Variants in FAP observed in about 807,000 individuals in gnomAD.
FAP encodes the protein prolyl endopeptidase FAP.
Under a neutral mutation model 126.5 loss-of-function variants are expected in FAP, and 110 were observed. The ratio of observed to expected loss-of-function variants is 0.87; its 90% CI spans 0.74 to 1.02. The LOEUF (loss-of-function observed/expected upper bound fraction) is 1.02. Ranked by LOEUF, FAP falls within the 50% of genes least tolerant of loss-of-function variation. The pLI, the probability that FAP is intolerant of heterozygous loss-of-function variation, is 0.00. For synonymous variants in FAP, 334 were observed against 297.3 expected, an observed-to-expected ratio of 1.12 and a Z score of -1.27; for missense variants, 919 against 909.2, an observed-to-expected ratio of 1.01 and a Z score of -0.14.
intron 21 of FAP, among the ~76,000 whole-genome samples, chr2:162,179,220 T>C (rs1687597862): frequency 6.7e-6 from 1 of 149,812 alleles, no homozygotes; most frequent in African/African-American, 2.5e-5. Flanking sequence ...TTTTTGGTAA[T>C]ACTGTGTTAA....
At chr2:162,198,287 T>A (rs1051246099) in intron 16 of FAP, 4 of 1,289,834 alleles carry the variant, frequency 3.1e-6, no homozygotes, top group Admixed American at 4.6e-5. Context: ...TTCCAAGCCG[T>A]TGTTCATTCC....
chr2:162,179,778 CTATCTATCTATCTA>C (rs1195828378), intron 21 of FAP, among the ~76,000 whole-genome samples: 2 of 69,060 alleles, frequency 2.9e-5, no homozygotes, highest in South Asian at 6.2e-4. Flanking sequence ...ATCTATCTAT[CTATCTATCTATCTA>C]TATATATATA....
chr2:162,171,035 G>A lies in FAP; in HGVS notation c.2227C>T (p.His743Tyr). 1 of 1,613,282 alleles carries A rather than the reference G, an allele frequency of 6.2e-7. No homozygotes were observed. Among genetic ancestry groups the A allele is most frequent in the Non-Finnish European group, 8.5e-7 (1 of 1,179,410 alleles). Reference sequence around the variant, plus strand: ...AAGTGGGTCATGTGGGTGTATAAGTGGTTCGTGGACAGGCCGGATAAGCCG... The same window carrying A: ...AAGTGGGTCATGTGGGTGTATAAGTAGTTCGTGGACAGGCCGGATAAGCCG... ...NHGLSGLSTN[H>Y]LYTHMTHFLK... The change falls in exon 26 of 26, where the codon CAC becomes TAC. Residue 743 changes from histidine to tyrosine, a missense_variant. Transcript: ENST00000188790.
At chr2:162,227,661 C>T (rs1036863204) in intron 2 of FAP, among the ~76,000 whole-genome samples, 21 of 152,124 alleles carry the variant, frequency 1.4e-4, no homozygotes, top group African/African-American at 4.8e-4. Flanking sequence ...CGTAGCCCTC[C>T]ATGACTCTTC....
intron 2 of FAP, among the ~76,000 whole-genome samples, chr2:162,228,755 A>C (rs1328752870): frequency 6.6e-6 from 1 of 152,212 alleles, no homozygotes; most frequent in East Asian, 1.9e-4. Context: ...TGTAATTCTC[A>C]TTCAGTGAAT....
chr2:162,222,328 C>T (rs1054517216), intron 6 of FAP, among the ~76,000 whole-genome samples: 7 of 152,030 alleles, frequency 4.6e-5, no homozygotes, highest in African/African-American at 1.7e-4. Flanking sequence ...AGAAGGGGCT[C>T]AATAAATATT....
At chr2:162,221,001 T>C (rs1376027923) in intron 6 of FAP, among the ~76,000 whole-genome samples, 5 of 152,196 alleles carry the variant, frequency 3.3e-5, no homozygotes, top group African/African-American at 1.2e-4. Flanking sequence ...TTTCCCATTC[T>C]TTTAATATTT....
chr2:162,182,700 A>T (rs905112881), intron 21 of FAP, among the ~76,000 whole-genome samples: 1 of 152,194 alleles, frequency 6.6e-6, no homozygotes, highest in Non-Finnish European at 1.5e-5. Context: ...TGAAACAGGA[A>T]ATCTTCTTTG....
intron 14 of FAP, among the ~76,000 whole-genome samples, chr2:162,201,284 T>C (rs1688489643): frequency 6.6e-6 from 1 of 152,196 alleles, no homozygotes. Context: ...AACCGAAGTT[T>C]GGTTGAATTC....
At position 162,215,869 on chromosome 2, in the gene FAP, A is replaced by G. The variant is rs779738608; in HGVS notation, c.866+29T>C. On this transcript the variant is annotated intron_variant, in intron 10 of 25. Coordinates refer to ENST00000188790, the MANE Select transcript of FAP (RefSeq NM_004460.5). ...ATAAATGCACTAGAATATAGGATAG[A>G]AAGATGGGAGGGATCTGAGATGAAC... 2.7e-6 allele frequency: 4 copies of G among 1,504,366 alleles called. No individual in the cohort carries two copies. The Admixed American group carries it at 6.7e-5, about 25-fold the overall frequency. The allele number at this position is 1,504,366 out of a possible 1,614,324, so 93.2% of individuals were successfully genotyped here. A position where few individuals can be genotyped will look rare whatever the true frequency, so the allele number is the denominator to read the frequency against.
chr2:162,190,565 A>G lies in FAP; in HGVS notation c.1451-811T>C, dbSNP rs72871609. ...ATCTGTAGATTGGTAATACATGCAA[A>G]TAGGTTTCTAGCAATAGCGGGCTTT... On this transcript the variant is annotated intron_variant, in intron 17 of 25. Transcript: ENST00000188790. Among the ~76,000 whole-genome samples, 210 of 152,270 alleles carry G rather than the reference A, an allele frequency of 1.4e-3. 1 individual carries two copies. Among genetic ancestry groups the G allele is most frequent in the Non-Finnish European group, 2.6e-3 (174 of 68,010 alleles).
chr2:162,180,256 G>C (rs1253670041), intron 21 of FAP, among the ~76,000 whole-genome samples: 1 of 152,170 alleles, frequency 6.6e-6, no homozygotes, highest in Non-Finnish European at 1.5e-5. Context: ...AAATACATAA[G>C]CAGAAAAGCC....
intron 7 of FAP, 111 bp from the exon 8 acceptor site, chr2:162,219,294 AGATTCAC>A: frequency 9.6e-7 from 1 of 1,036,632 alleles, no homozygotes; most frequent in Non-Finnish European, 1.4e-6. Context: ...GATACAAAAA[AGATTCAC>A]AACTAAAATA....
chr2:162,178,433 C>T (rs1687562650), intron 21 of FAP, among the ~76,000 whole-genome samples: 4 of 152,150 alleles, frequency 2.6e-5, no homozygotes, highest in Admixed American at 2.6e-4. Flanking sequence ...GGATGTTTAA[C>T]AGCATCCCTG....
At chr2:162,228,524 T>C (rs961043495) in intron 2 of FAP, among the ~76,000 whole-genome samples, 8 of 152,184 alleles carry the variant, frequency 5.3e-5, no homozygotes, top group African/African-American at 1.9e-4. Context: ...CTTTCCTTAA[T>C]TTGCAGCAAC....
chr2:162,213,376 A>G lies in FAP; in HGVS notation c.1002+562T>C, dbSNP rs189265760. On this transcript the variant is annotated intron_variant, in intron 11 of 25. Coordinates refer to ENST00000188790, the MANE Select transcript of FAP (RefSeq NM_004460.5). ...GGCGACAGAGCGAGACGCCATCTCA[A>G]AAAAAAAACAAAAAACAAAAAAACA... is the stretch of plus-strand genomic sequence containing the variant. Among the ~76,000 whole-genome samples, 1,136 of 151,194 alleles carry G rather than the reference A, an allele frequency of 7.5e-3. 9 individuals are homozygous for G. Among genetic ancestry groups the G allele is most frequent in the Non-Finnish European group, 0.012 (797 of 67,838 alleles).
chr2:162,188,677 A>G (rs1268957969), intron 19 of FAP, among the ~76,000 whole-genome samples: 1 of 152,138 alleles, frequency 6.6e-6, no homozygotes, highest in Non-Finnish European at 1.5e-5. Context: ...GATATACTAA[A>G]AAAAATGCAT....
In FAP at chr2:162,242,941, A is replaced by G. The variant is rs1438476182; in HGVS notation, c.58T>C (p.Leu20=). The stretch of plus-strand genomic sequence containing the variant: ...GGGCGTAAGACAATGCACATCACCA[A>G]TAAGGCAAGCACAGCAGAGGTGGCA... ...GVATSAVLAL[L]VMCIVLRPSR... The change falls in exon 2 of 26, where the codon TTG becomes CTG. Residue 20 remains leucine (L), a synonymous_variant. Coordinates refer to ENST00000188790, the MANE Select transcript of FAP (RefSeq NM_004460.5). The G allele has an allele frequency of 1.2e-6, 2 of 1,613,190 alleles. No individual in the cohort carries two copies. The highest frequency in any genetic ancestry group is 1.7e-5 in the Admixed American group (1 of 59,856).
chr2:162,182,990 T>C (rs1687744080), intron 21 of FAP, among the ~76,000 whole-genome samples: 1 of 152,216 alleles, frequency 6.6e-6, no homozygotes, highest in Non-Finnish European at 1.5e-5. Context: ...AAGATATGAC[T>C]GCTAGGCTAG....
Sources: allele counts gnomAD v4.1 joint callset (sites outside exome capture counted in the v4.1 genomes callset), GRCh38; gene constraint gnomAD v4.1.1; transcripts MANE v1.5; gene names NCBI Gene and HGNC (gene_info 2026-07-23, HGNC 2026-07-21).